The following HDX variants were observed in gnomAD, a reference collection of about 807,000 sequenced individuals.
HDX encodes the protein chromosome X open reading frame 43.
HDX carries 19 observed loss-of-function variants against 45.2 expected under a neutral mutation model. The ratio of observed to expected loss-of-function variants is 0.42; its 90% confidence interval spans 0.29 to 0.62. The LOEUF (loss-of-function observed/expected upper bound fraction) is 0.62. Ranked by LOEUF, HDX falls within the 20% of genes least tolerant of loss-of-function variation. HDX has a pLI of 0.20. For missense variants in HDX, 532 were observed against 493.9 expected, an observed-to-expected ratio of 1.08 and a Z score of -0.73; for synonymous variants, 188 against 172.8, an observed-to-expected ratio of 1.09 and a Z score of -0.69.
At chrX:84,446,583 C>T (rs1468291249) in intron 4 of HDX, among the ~76,000 whole-genome samples, 2 of 110,244 alleles carry the variant, frequency 1.8e-5, no homozygotes, top group African/African-American at 3.3e-5. Flanking sequence ...TGGACTGATA[C>T]ATTTATTCTG....
At chrX:84,406,914 T>A (rs1216019597) in intron 5 of HDX, among the ~76,000 whole-genome samples, 1 of 111,304 alleles carries the variant, frequency 9.0e-6, no homozygotes, top group Non-Finnish European at 1.9e-5. Context: ...TCATTGTTTT[T>A]ATTTAATTTT....
intron 5 of HDX, among the ~76,000 whole-genome samples, chrX:84,420,351 T>C (rs903777681): frequency 2.3e-4 from 26 of 111,914 alleles, no homozygotes; most frequent in Non-Finnish European, 1.5e-4. Context: ...TACTGAAGAA[T>C]GCATCTGAGT....
chrX:84,346,906 T>C (rs1468562247), intron 6 of HDX, among the ~76,000 whole-genome samples: 1 of 111,061 alleles, frequency 9.0e-6, no homozygotes, highest in African/African-American at 3.3e-5. Flanking sequence ...TGGAATTGAA[T>C]TGAATCTATA....
At chrX:84,349,305 G>T (rs1809551862) in intron 6 of HDX, among the ~76,000 whole-genome samples, 1 of 109,186 alleles carries the variant, frequency 9.2e-6, no homozygotes, top group Non-Finnish European at 1.9e-5. Flanking sequence ...TTGTTAAGAT[G>T]AACTGACAAC....
intron 7 of HDX, among the ~76,000 whole-genome samples, chrX:84,343,963 G>A: frequency 9.0e-6 from 1 of 110,819 alleles, no homozygotes; most frequent in Non-Finnish European, 1.9e-5. Context: ...GACCTAAATT[G>A]ACTAGAATTC....
chrX:84,432,677 A>G (rs186013565), intron 5 of HDX, among the ~76,000 whole-genome samples: 2 of 111,266 alleles, frequency 1.8e-5, no homozygotes, highest in African/African-American at 3.3e-5. Flanking sequence ...CTGCTTTTGT[A>G]TCTTGTATTC....
At chrX:84,472,980 TATG>T (rs1457422483) in intron 3 of HDX, among the ~76,000 whole-genome samples, 1 of 108,422 alleles carries the variant, frequency 9.2e-6, no homozygotes, top group Non-Finnish European at 1.9e-5. Flanking sequence ...ATGAAATTGA[TATG>T]ATGAGAATTT....
At chrX:84,388,938 G>A (rs988691225) in intron 5 of HDX, among the ~76,000 whole-genome samples, 3 of 111,562 alleles carry the variant, frequency 2.7e-5, no homozygotes, top group Non-Finnish European at 5.6e-5. Flanking sequence ...TGAGAAGCTT[G>A]GTATTCCTTT....
At chrX:84,413,657 T>G (rs916878066) in intron 5 of HDX, among the ~76,000 whole-genome samples, 10 of 111,939 alleles carry the variant, frequency 8.9e-5, no homozygotes, top group African/African-American at 3.2e-4. Context: ...AATGAGACTT[T>G]TGAAGGTTTA....
chrX:84,380,749 T>C (rs1021046855), intron 5 of HDX, among the ~76,000 whole-genome samples: 1 of 110,946 alleles, frequency 9.0e-6, no homozygotes, highest in African/African-American at 3.3e-5. Flanking sequence ...AAAAGGCATA[T>C]ATGACACTCA....
rs748968058 is a variant in HDX, at chrX:84,468,493, T to C, written c.1230A>G (p.Ser410=). The change falls in exon 4 of 11, where the codon TCA becomes TCG. Residue 410 remains serine (S), a synonymous_variant. Transcript: ENST00000373177. ...TTACCTGGTAATTGTTTTGGTTTTG[T>C]GATAATCTCAATTGGTTTGATGATG... ...HFASSNQLRL[S]QNQNNYQISG... The C allele has an allele frequency of 3.7e-5, 43 of 1,154,653 alleles. No homozygotes were observed. Among genetic ancestry groups the C allele is most frequent in the Non-Finnish European group, 4.9e-5 (42 of 858,135 alleles).
At chrX:84,498,662 T>C (rs2041059130) in intron 1 of HDX, among the ~76,000 whole-genome samples, 1 of 112,203 alleles carries the variant, frequency 8.9e-6, no homozygotes, top group Non-Finnish European at 1.9e-5. Flanking sequence ...GTTTTTAAAA[T>C]GTATTTTATG....
chrX:84,452,347 A>AT (rs1281295968), intron 4 of HDX, among the ~76,000 whole-genome samples: 1 of 111,172 alleles, frequency 9.0e-6, no homozygotes, highest in Non-Finnish European at 1.9e-5. Context: ...AATAAGTAGC[A>AT]TTTCAATAAT....
At chrX:84,465,094 G>C (rs1237665630) in intron 4 of HDX, among the ~76,000 whole-genome samples, 1 of 112,460 alleles carries the variant, frequency 8.9e-6, no homozygotes. Context: ...CTAGTCATTA[G>C]AGAAATGCAA....
intron 5 of HDX, among the ~76,000 whole-genome samples, chrX:84,410,320 T>C (rs775961929): frequency 1.8e-5 from 2 of 111,379 alleles, no homozygotes; most frequent in African/African-American, 6.5e-5. Context: ...ATTTTGAGTA[T>C]GTTCTTTGAT....
At position 84,320,315 on chromosome X, in the gene HDX, G is replaced by A. The variant is rs2036572687; in HGVS notation, c.*1574C>T. 2 of 110,736 alleles carry A rather than the reference G, an allele frequency of 1.8e-5. No individual in the cohort carries two copies. The highest frequency in any genetic ancestry group is 3.8e-4 in the South Asian group (1 of 2,659). The allele number at this position is 110,736 out of a possible 1,213,427, so 9.1% of individuals were successfully genotyped here. A position where few individuals can be genotyped will look rare whatever the true frequency, so the allele number is the denominator to read the frequency against. ...ACTGAAATATTCCTACTAACAAAGGGACCATATCAGTAGTATGGCAGCAAT... is the reference window on the plus strand; with the variant it reads ...ACTGAAATATTCCTACTAACAAAGGAACCATATCAGTAGTATGGCAGCAAT... On this transcript the variant is annotated 3_prime_UTR_variant, in exon 11 of 11. Coordinates refer to ENST00000373177, the MANE Select transcript of HDX (RefSeq NM_001177479.2).
chrX:84,484,874 T>C (rs944828607), intron 2 of HDX, among the ~76,000 whole-genome samples: 1 of 111,667 alleles, frequency 9.0e-6, no homozygotes, highest in Admixed American at 9.5e-5. Context: ...TGGAAGCTTA[T>C]ACTGTTGATC....
intron 2 of HDX, among the ~76,000 whole-genome samples, chrX:84,483,727 C>T (rs2040735765): frequency 8.9e-6 from 1 of 112,534 alleles, no homozygotes; most frequent in Admixed American, 9.4e-5. Flanking sequence ...AATTTCTCAC[C>T]AGAAAATGTA....
In HDX at chrX:84,329,484, A is replaced by G. The variant is rs778683190; in HGVS notation, c.1825-3184T>C. Among the ~76,000 whole-genome samples, 3 of 111,931 alleles carry G rather than the reference A, an allele frequency of 2.7e-5. No homozygotes were observed. The East Asian group carries it at 8.4e-4, about 32-fold the overall frequency. On this transcript the variant is annotated intron_variant, in intron 9 of 10. Coordinates refer to ENST00000373177, the MANE Select transcript of HDX (RefSeq NM_001177479.2). ...TACTTGAGGTATTTACCCAAGATAAATGAAAACACATGTCATTAAAAGACT... is the reference window on the plus strand; with the variant it reads ...TACTTGAGGTATTTACCCAAGATAAGTGAAAACACATGTCATTAAAAGACT...
Sources: allele counts gnomAD v4.1 joint callset (sites outside exome capture counted in the v4.1 genomes callset), GRCh38; gene constraint gnomAD v4.1.1; transcripts MANE v1.5; gene names NCBI Gene and HGNC (gene_info 2026-07-23, HGNC 2026-07-21).